ZBTB8A: variants seen among roughly 807,000 people sequenced by gnomAD.
ZBTB8A encodes the protein zinc finger and BTB domain-containing protein 8A.
ZBTB8A carries 19 observed loss-of-function variants against 37.8 expected under a neutral mutation model. The ratio of observed to expected loss-of-function variants is 0.50; its 90% CI spans 0.35 to 0.74. The LOEUF is 0.74. Among genes scored for constraint, ZBTB8A ranks in the 30% least tolerant of loss-of-function variants. The pLI is 0.01. For missense variants in ZBTB8A, 394 were observed against 537.8 expected, an observed-to-expected ratio of 0.73 and a Z score of 2.65; for synonymous variants, 181 against 185.2, an observed-to-expected ratio of 0.98 and a Z score of 0.19.
At chr1:32,599,466 C>T (rs7525687) in intron 4 of ZBTB8A, among the ~76,000 whole-genome samples, 18,330 of 151,954 alleles carry the variant, frequency 0.12, 1,169 homozygotes, top group African/African-American at 0.19. Flanking sequence ...CACCTATAAT[C>T]CCAGCACTTT....
At chr1:32,600,058 C>G in intron 4 of ZBTB8A, 29 bp from the exon 5 acceptor site, 1 of 1,571,172 alleles carries the variant, frequency 6.4e-7, no homozygotes, top group Non-Finnish European at 8.7e-7. Flanking sequence ...TGAAAAATCA[C>G]TTTTATCACT....
chr1:32,565,978 G>T (rs1166661052), intron 2 of ZBTB8A, among the ~76,000 whole-genome samples: 2 of 152,116 alleles, frequency 1.3e-5, no homozygotes, highest in Non-Finnish European at 2.9e-5. Flanking sequence ...GAGGCAGGCA[G>T]ATCATGACGT....
At chr1:32,579,450 C>CAA (rs112657461) in intron 2 of ZBTB8A, among the ~76,000 whole-genome samples, 1 of 115,478 alleles carries the variant, frequency 8.7e-6, no homozygotes, top group Non-Finnish European at 1.9e-5. Context: ...GATTCCATCT[C>CAA]AAAAAAAAAA....
intron 1 of ZBTB8A, among the ~76,000 whole-genome samples, chr1:32,550,894 T>C (rs1570313872): frequency 6.7e-6 from 1 of 149,138 alleles, no homozygotes; most frequent in Non-Finnish European, 1.5e-5. Context: ...GAGGCGGAGG[T>C]TGCAGTGAGC....
At chr1:32,540,008 G>A (rs1345826973) in intron 1 of ZBTB8A, among the ~76,000 whole-genome samples, 1 of 151,772 alleles carries the variant, frequency 6.6e-6, no homozygotes, top group Non-Finnish European at 1.5e-5. Flanking sequence ...GTCTCTGCGG[G>A]CGCGGCCAGG....
At chr1:32,552,127 G>C (rs1238847408) in intron 1 of ZBTB8A, among the ~76,000 whole-genome samples, 2 of 152,122 alleles carry the variant, frequency 1.3e-5, no homozygotes, top group African/African-American at 4.8e-5. Context: ...ACTTTTGGAG[G>C]CCGAAGTGGG....
chr1:32,572,377 A>T (rs1644328563), intron 2 of ZBTB8A, among the ~76,000 whole-genome samples: 2 of 150,790 alleles, frequency 1.3e-5, no homozygotes, highest in East Asian at 1.9e-4. Flanking sequence ...CAGATTTTTA[A>T]TTTTTTTCTT....
rs187771648 is a variant in ZBTB8A at position 32,554,791 on chromosome 1, T to A, written c.-2+1251T>A. 6.7e-4 allele frequency among the ~76,000 whole-genome samples: 102 copies of A among 152,280 alleles called. 1 individual carries two copies. The highest frequency in any genetic ancestry group is 2.3e-3 in the African/African-American group (97 of 41,566). On this transcript the variant is annotated intron_variant, in intron 2 of 4. Transcript: ENST00000373510. ...ACCGCACCCGGCTTTATCTTTTTTT[T>A]AAACTGGGATCCAGGCAATTGTATG... is the stretch of plus-strand genomic sequence containing the variant.
At chr1:32,594,766 A>C (rs1375193609) in intron 3 of ZBTB8A, among the ~76,000 whole-genome samples, 2 of 130,088 alleles carry the variant, frequency 1.5e-5, no homozygotes, top group African/African-American at 5.7e-5. Context: ...ACTCTATCTC[A>C]AAAAAAAAAA....
At chr1:32,599,013 G>A (rs1454701192) in intron 4 of ZBTB8A, among the ~76,000 whole-genome samples, 1 of 152,072 alleles carries the variant, frequency 6.6e-6, no homozygotes, top group Non-Finnish European at 1.5e-5. Context: ...CAAGAAGATA[G>A]TAAATAACTA....
intron 2 of ZBTB8A, among the ~76,000 whole-genome samples, chr1:32,577,977 C>T (rs974845437): frequency 6.6e-6 from 1 of 151,994 alleles, no homozygotes; most frequent in African/African-American, 2.4e-5. Context: ...GATCTCAGCT[C>T]ACTGCAACTT....
chr1:32,542,656 T>C (rs1557698631), intron 1 of ZBTB8A, among the ~76,000 whole-genome samples: 2 of 152,220 alleles, frequency 1.3e-5, no homozygotes, highest in Non-Finnish European at 2.9e-5. Context: ...CTCATAGAAA[T>C]ACATGTCATT....
intron 1 of ZBTB8A, among the ~76,000 whole-genome samples, chr1:32,549,435 G>A (rs955140016): frequency 4.6e-5 from 7 of 151,594 alleles, no homozygotes; most frequent in African/African-American, 1.5e-4. Flanking sequence ...TAGAGGTTGC[G>A]GTGAGCCAAG....
At chr1:32,541,345 T>G (rs1234236688) in intron 1 of ZBTB8A, among the ~76,000 whole-genome samples, 7 of 152,162 alleles carry the variant, frequency 4.6e-5, no homozygotes, top group Non-Finnish European at 8.8e-5. Flanking sequence ...CCCCCATGCC[T>G]CCTTGCCTGC....
intron 2 of ZBTB8A, among the ~76,000 whole-genome samples, chr1:32,568,577 G>C (rs1038956896): frequency 6.6e-6 from 1 of 152,014 alleles, no homozygotes; most frequent in Non-Finnish European, 1.5e-5. Context: ...TAGTAGAGAC[G>C]GGGTTTCACC....
Position 32,552,897 on chromosome 1 carries a change from G to T in ZBTB8A, c.-83-562G>T, listed in dbSNP as rs1044216095. Among the ~76,000 whole-genome samples, 6 of 145,956 alleles carry T rather than the reference G, an allele frequency of 4.1e-5. No homozygotes were observed. The East Asian group carries it at 9.8e-4, about 24-fold the overall frequency. On this transcript the variant is annotated intron_variant, in intron 1 of 4. Transcript: ENST00000373510. ...ATAATATTAATGATTTATTTATATT[G>T]TATATTATATTTTAAATCATATATT...
chr1:32,589,020 C>A (rs1644468892), intron 2 of ZBTB8A, among the ~76,000 whole-genome samples: 1 of 151,696 alleles, frequency 6.6e-6, no homozygotes, highest in South Asian at 2.1e-4. Flanking sequence ...GTGATGAAAA[C>A]CTGATTGGAA....
chr1:32,596,349 G>A (rs558059943), intron 4 of ZBTB8A, among the ~76,000 whole-genome samples: 2 of 148,216 alleles, frequency 1.3e-5, no homozygotes, highest in Admixed American at 6.8e-5. Flanking sequence ...CAGCCTGGGC[G>A]ACTGAGCGAG....
chr1:32,580,225 C>G (rs190265484), intron 2 of ZBTB8A, among the ~76,000 whole-genome samples: 76 of 151,816 alleles, frequency 5.0e-4, no homozygotes, highest in Admixed American at 1.3e-3. Context: ...AGTGAGACTC[C>G]ATCTCAAAAA....
Sources: allele counts gnomAD v4.1 joint callset (sites outside exome capture counted in the v4.1 genomes callset), GRCh38; gene constraint gnomAD v4.1.1; transcripts MANE v1.5; gene names NCBI Gene and HGNC (gene_info 2026-07-23, HGNC 2026-07-21).